Variants in GHRHR observed in about 807,000 individuals in gnomAD.
The protein encoded by GHRHR is growth hormone-releasing hormone receptor.
In GHRHR, 40 loss-of-function variants were observed where a neutral mutation model predicts 58.3. The observed-to-expected ratio is 0.69, with a 90% CI of 0.53 to 0.89. GHRHR has a LOEUF of 0.89. Ranked by LOEUF, GHRHR falls within the 40% of genes least tolerant of loss-of-function variation. The pLI is 0.00. For missense variants in GHRHR, 551 were observed against 541.3 expected (o/e 1.02, Z -0.18); for synonymous variants, 249 against 216.6 (o/e 1.15, Z -1.31).
rs574990233 is a variant in GHRHR, at chr7:30,969,739, C to G, written c.269-128C>G. The G allele has an allele frequency of 6.4e-5, 57 of 891,306 alleles. 1 individual carries two copies. The Middle Eastern group carries it at 1.2e-3, about 19-fold the overall frequency. The allele number at this position is 891,306 out of a possible 1,614,324, so 55.2% of individuals were successfully genotyped here. A position where few individuals can be genotyped will look rare whatever the true frequency, so the allele number is the denominator to read the frequency against. On this transcript the variant is annotated intron_variant, in intron 3 of 12. Coordinates refer to ENST00000326139, the MANE Select transcript of GHRHR (RefSeq NM_000823.4). The stretch of plus-strand genomic sequence containing the variant: ...CTGGGCCCCAGGCCTCTGGAGCCAC[C>G]CTCTCTGTTGCTCAGAGGAGCTGTC...
chr7:30,969,210 T>G, intron 3 of GHRHR, 40 bp downstream of exon 3: 1 of 1,328,648 alleles, frequency 7.5e-7, no homozygotes, highest in Non-Finnish European at 1.1e-6. Flanking sequence ...AGGGAGGTGC[T>G]TTCATCTGGA....
intron 9 of GHRHR, among the ~76,000 whole-genome samples, chr7:30,975,540 G>A (rs755625631): frequency 2.0e-5 from 3 of 152,042 alleles, no homozygotes; most frequent in Non-Finnish European, 4.4e-5. Context: ...AGGCCTGATC[G>A]CCCCCCTTGA....
In GHRHR at chr7:30,972,404, C is replaced by G. The variant is rs538365951; in HGVS notation, c.597+309C>G. On this transcript the variant is annotated intron_variant, in intron 6 of 12. Coordinates refer to ENST00000326139, the MANE Select transcript of GHRHR (RefSeq NM_000823.4). ...TTCCTTTCACCCCTCCCTGAGCACT[C>G]ATAGGTCTGTGCTGGGGGTGTGTAC... 5.3e-4 allele frequency among the ~76,000 whole-genome samples: 81 copies of G among 152,160 alleles called. 2 individuals carry two copies. The Middle Eastern group carries it at 0.01, about 19-fold the overall frequency.
chr7:30,969,799 TG>T, intron 3 of GHRHR, 67 bp from the exon 4 acceptor site: 1 of 1,514,986 alleles, frequency 6.6e-7, no homozygotes, highest in Non-Finnish European at 9.2e-7. Context: ...TGATGGTCCC[TG>T]GCACCCCCAG....
intron 9 of GHRHR, among the ~76,000 whole-genome samples, chr7:30,975,258 TC>T (rs1792555447): frequency 6.6e-6 from 1 of 152,110 alleles, no homozygotes; most frequent in Non-Finnish European, 1.5e-5. Context: ...TGCAGGCTGT[TC>T]CAGCTCAATT....
intron 6 of GHRHR, among the ~76,000 whole-genome samples, chr7:30,973,463 G>A (rs767593481): frequency 1.3e-5 from 2 of 152,202 alleles, no homozygotes; most frequent in Non-Finnish European, 2.9e-5. Context: ...GTGGGGCTGG[G>A]ATCAAACCTG....
chr7:30,967,599 G>T (rs940010466), intron 1 of GHRHR, among the ~76,000 whole-genome samples: 7 of 58,358 alleles, frequency 1.2e-4, no homozygotes, highest in African/African-American at 4.2e-4. Context: ...CCAGTCATCT[G>T]TCTATCCATC....
rs1397137293 is a variant in GHRHR at position 30,979,307 on chromosome 7, G to A, written c.*63G>A. On this transcript the variant is annotated 3_prime_UTR_variant, in exon 13 of 13. Transcript: ENST00000326139. ...TGGGCAGCTACCACGGGTCTGCCAT[G>A]CTCTGGAGGAGCAAGGGGGCCACAT... 29 of 1,565,686 alleles carry A rather than the reference G, an allele frequency of 1.9e-5. No homozygotes were observed. The highest frequency in any genetic ancestry group is 2.5e-5 in the Non-Finnish European group (29 of 1,146,160).
At chr7:30,978,275 G>T (rs1792625739) in intron 12 of GHRHR, among the ~76,000 whole-genome samples, 1 of 152,158 alleles carries the variant, frequency 6.6e-6, no homozygotes, top group African/African-American at 2.4e-5. Context: ...CAGACCATGG[G>T]CCCTGGGGGT....
intron 8 of GHRHR, 53 bp downstream of exon 8, chr7:30,974,542 A>G (rs1356242016): frequency 5.5e-6 from 7 of 1,261,852 alleles, no homozygotes; most frequent in African/African-American, 1.5e-5. Context: ...TGGGGTGTGG[A>G]GTGGACAGTC....
chr7:30,973,333 T>G (rs1792512176), intron 6 of GHRHR, among the ~76,000 whole-genome samples: 1 of 152,218 alleles, frequency 6.6e-6, no homozygotes. Flanking sequence ...ACACCTTTGT[T>G]GTTCAAGAGT....
intron 10 of GHRHR, 58 bp from the exon 11 acceptor site, chr7:30,976,371 G>A: frequency 6.5e-7 from 1 of 1,544,766 alleles, no homozygotes. Context: ...AGGAGATGAA[G>A]TGCACACGAC....
chr7:30,967,714 C>A (rs561507101), intron 1 of GHRHR, among the ~76,000 whole-genome samples: 4 of 152,112 alleles, frequency 2.6e-5, no homozygotes, highest in Non-Finnish European at 5.9e-5. Flanking sequence ...GCCTTCCTTC[C>A]CTCCTTCCTT....
chr7:30,969,910 C>A lies in GHRHR; in HGVS notation c.312C>A (p.Pro104=). The part of the protein sequence containing the change: ...RDCTITGWSE[P]FPPYPVACPV... The stretch of plus-strand genomic sequence containing the variant: ...GTACTATCACTGGCTGGTCTGAGCC[C>A]TTTCCACCTTACCCTGTGGCCTGCC... Residue 104 remains proline, a synonymous_variant, in exon 4 of 13, where the codon CCC becomes CCA. Transcript: ENST00000326139. 3 of 1,598,512 alleles carry A rather than the reference C, an allele frequency of 1.9e-6. No homozygotes were observed. The highest frequency in any genetic ancestry group is 2.6e-6 in the Non-Finnish European group (3 of 1,165,714).
intron 1 of GHRHR, among the ~76,000 whole-genome samples, chr7:30,968,624 C>A (rs370191300): frequency 9.3e-6 from 1 of 107,960 alleles, no homozygotes; most frequent in Non-Finnish European, 1.8e-5. Context: ...CTCCCTCCCT[C>A]CCTCCCTCCC....
In GHRHR at chr7:30,973,969, A is replaced by G; in HGVS notation, c.598-16A>G. 1.2e-6 allele frequency: 2 copies of G among 1,612,514 alleles called. No homozygotes were observed. The highest frequency in any genetic ancestry group is 1.1e-5 in the South Asian group (1 of 91,026). On this transcript the variant is annotated splice_polypyrimidine_tract_variant and intron_variant, in intron 6 of 12. Coordinates refer to ENST00000326139, the MANE Select transcript of GHRHR (RefSeq NM_000823.4). ...TGGGTGTCCCAGCTCTGAAGCACCC[A>G]GGTCCTGGCCCCCAGGTTCTATGCA...
At chr7:30,965,631 C>T (rs1792332489) in intron 1 of GHRHR, among the ~76,000 whole-genome samples, 1 of 152,172 alleles carries the variant, frequency 6.6e-6, no homozygotes, top group Non-Finnish European at 1.5e-5. Flanking sequence ...TGGGCACTGT[C>T]TGTTCATCCT....
rs1046256690 is a variant in GHRHR at position 30,969,484 on chromosome 7, A to T, written c.268+314A>T. 13 of 593,208 alleles carry T rather than the reference A, an allele frequency of 2.2e-5. No individual in the cohort carries two copies. In the African/African-American group the frequency reaches 2.4e-4, roughly 11 times the overall value. The allele number at this position is 593,208 out of a possible 1,614,324, so 36.7% of individuals were successfully genotyped here. A position where few individuals can be genotyped will look rare whatever the true frequency, so the allele number is the denominator to read the frequency against. On this transcript the variant is annotated intron_variant, in intron 3 of 12. Coordinates refer to ENST00000326139, the MANE Select transcript of GHRHR (RefSeq NM_000823.4). The stretch of plus-strand genomic sequence containing the variant: ...GGCAGGCCTGCCTGACTGCCAAGAC[A>T]CCACCAACTGCCCAGGATGGAGAGG...
At chr7:30,973,916 G>A (rs1792523842) in intron 6 of GHRHR, 69 bp from the exon 7 acceptor site, 1 of 1,484,162 alleles carries the variant, frequency 6.7e-7, no homozygotes, top group Non-Finnish European at 9.4e-7. Context: ...ATCTGAGTAG[G>A]GTAGAGGAGA....
Sources: gnomAD v4.1 joint callset for allele counts (sites outside exome capture counted in the v4.1 genomes callset) on GRCh38, gnomAD v4.1.1 for gene constraint, MANE v1.5 for transcripts, NCBI Gene and HGNC (gene_info 2026-07-23, HGNC 2026-07-21) for gene names.